Variants in PRKAA2 observed in about 807,000 individuals in gnomAD.
PRKAA2 encodes the protein 5'-AMP-activated protein kinase catalytic subunit alpha-2.
Under a neutral mutation model 56.3 loss-of-function variants are expected in PRKAA2, and 40 were observed. The observed-to-expected ratio is 0.71, with a 90% CI of 0.55 to 0.92. PRKAA2 has a LOEUF of 0.92. Ranked by LOEUF, PRKAA2 falls within the 40% of genes least tolerant of loss-of-function variation. The probability of loss-of-function intolerance (pLI) is 0.00; values close to 1 mark genes in which losing one functional copy is unlikely to be tolerated. For synonymous variants in PRKAA2, 214 were observed against 234.2 expected (o/e 0.91, Z 0.79); for missense variants, 542 against 686.9 (o/e 0.79, Z 2.36).
intron 1 of PRKAA2, among the ~76,000 whole-genome samples, chr1:56,657,260 T>G (rs1326183782): frequency 2.6e-5 from 4 of 152,202 alleles, no homozygotes; most frequent in African/African-American, 4.8e-5. Context: ...CAGTAATAAG[T>G]TGACTCCCCA....
At chr1:56,674,184 T>C (rs1005453602) in intron 1 of PRKAA2, among the ~76,000 whole-genome samples, 197 bp from the exon 2 acceptor site, 1 of 152,120 alleles carries the variant, frequency 6.6e-6, no homozygotes, top group Non-Finnish European at 1.5e-5. Context: ...CAGAGATGAC[T>C]AAGATACAGT....
intron 1 of PRKAA2, among the ~76,000 whole-genome samples, chr1:56,660,836 A>G (rs555716186): frequency 1.2e-4 from 19 of 152,198 alleles, no homozygotes; most frequent in Non-Finnish European, 2.2e-4. Flanking sequence ...TTTAATAAAT[A>G]TGGTACTTAT....
At chr1:56,681,215 T>C (rs577830088) in intron 2 of PRKAA2, among the ~76,000 whole-genome samples, 1 of 152,226 alleles carries the variant, frequency 6.6e-6, no homozygotes, top group Non-Finnish European at 1.5e-5. Flanking sequence ...TTTGATTTTT[T>C]CTTGTACATT....
intron 2 of PRKAA2, among the ~76,000 whole-genome samples, chr1:56,681,170 T>C (rs1471959579): frequency 6.6e-6 from 1 of 152,258 alleles, no homozygotes; most frequent in African/African-American, 2.4e-5. Flanking sequence ...GAGAAATGTC[T>C]GTTCATATCC....
Position 56,674,462 on chromosome 1 carries a change from GA to G in PRKAA2, c.181del (p.Ile61Ter). ...RQKIRSLDVV[G>X]KIKREIQNLK... ...AAGATTCGCAGTTTAGATGTTGTTGGAAAAATAAAACGAGAAATTCAAAATC... is the reference window on the plus strand; with the variant it reads ...AAGATTCGCAGTTTAGATGTTGTTGGAAAATAAAACGAGAAATTCAAAATC... On this transcript the variant is annotated frameshift_variant, in exon 2 of 9. Coordinates refer to ENST00000371244, the MANE Select transcript of PRKAA2 (RefSeq NM_006252.4). LOFTEE classifies it high-confidence loss of function. 6.3e-7 allele frequency: 1 copy of G among 1,575,510 alleles called. No homozygotes were observed. The highest frequency in any genetic ancestry group is 1.2e-5 in the South Asian group (1 of 85,210).
rs1437231136 is a variant in PRKAA2 at position 56,707,531 on chromosome 1, G to T, written c.1477G>T (p.Ala493Ser). 3.1e-6 allele frequency: 5 copies of T among 1,614,048 alleles called. No homozygotes were observed. Among genetic ancestry groups the T allele is most frequent in the Non-Finnish European group, 3.4e-6 (4 of 1,180,038 alleles). Reference sequence around the variant, plus strand: ...AACACCTCAGCGTTCCTGTTCTGCTGCTGGCTTACACAGACCAAGATCAAG... The same window carrying T: ...AACACCTCAGCGTTCCTGTTCTGCTTCTGGCTTACACAGACCAAGATCAAG... ...SSTPQRSCSA[A>S]GLHRPRSSFD... The change falls in exon 9 of 9, where the codon GCT becomes TCT. Residue 493 changes from alanine (A) to serine (S), a missense_variant. Ala to Ser is a moderately conservative substitution (Grantham distance 99). Coordinates refer to ENST00000371244, the MANE Select transcript of PRKAA2 (RefSeq NM_006252.4).
At chr1:56,672,750 A>G (rs993154216) in intron 1 of PRKAA2, among the ~76,000 whole-genome samples, 3 of 152,140 alleles carry the variant, frequency 2.0e-5, no homozygotes, top group African/African-American at 7.2e-5. Context: ...TTGTTAATTA[A>G]TGGGTATTTT....
intron 6 of PRKAA2, among the ~76,000 whole-genome samples, chr1:56,702,055 A>G (rs929049757): frequency 1.3e-5 from 2 of 151,882 alleles, no homozygotes; most frequent in Non-Finnish European, 2.9e-5. Flanking sequence ...GACTATTGCA[A>G]CTAGCATCAC....
chr1:56,645,607 C>A, intron 1 of PRKAA2, 126 bp downstream of exon 1: 2 of 833,138 alleles, frequency 2.4e-6, no homozygotes, highest in Non-Finnish European at 3.2e-6. Flanking sequence ...TCCCGGGTCG[C>A]GCGGAGCTGG....
At chr1:56,661,414 G>C (rs1051916234) in intron 1 of PRKAA2, among the ~76,000 whole-genome samples, 7 of 152,042 alleles carry the variant, frequency 4.6e-5, no homozygotes, top group African/African-American at 1.7e-4. Context: ...AGTTTCACCT[G>C]TTTTTGAACT....
intron 1 of PRKAA2, among the ~76,000 whole-genome samples, chr1:56,656,345 G>A (rs1234444231): frequency 6.6e-6 from 1 of 152,028 alleles, no homozygotes; most frequent in African/African-American, 2.4e-5. Context: ...GGTAACCCCA[G>A]GTTTACCTTC....
At chr1:56,664,394 C>T (rs1002750907) in intron 1 of PRKAA2, among the ~76,000 whole-genome samples, 1 of 151,958 alleles carries the variant, frequency 6.6e-6, no homozygotes, top group Non-Finnish European at 1.5e-5. Context: ...TTTTGATATC[C>T]ATGCATAGTT....
intron 1 of PRKAA2, among the ~76,000 whole-genome samples, chr1:56,646,905 A>G (rs759030858): frequency 7.2e-5 from 11 of 152,350 alleles, no homozygotes; most frequent in Middle Eastern, 3.4e-3. Context: ...CAGCAAGGAA[A>G]AAACAGATCT....
intron 1 of PRKAA2, among the ~76,000 whole-genome samples, chr1:56,670,029 G>A (rs762834165): frequency 1.3e-5 from 2 of 152,148 alleles, no homozygotes; most frequent in African/African-American, 2.4e-5. Flanking sequence ...AGTGTTTTGT[G>A]TATTTTGGCT....
At chr1:56,691,526 T>G in intron 3 of PRKAA2, 39 bp downstream of exon 3, 1 of 1,493,056 alleles carries the variant, frequency 6.7e-7, no homozygotes, top group Non-Finnish European at 9.2e-7. Flanking sequence ...ATCTCTAAAC[T>G]AATAAAAAGG....
At chr1:56,701,081 GT>G (rs1644290452) in intron 6 of PRKAA2, among the ~76,000 whole-genome samples, 1 of 152,082 alleles carries the variant, frequency 6.6e-6, no homozygotes. Flanking sequence ...AATTTCCGGT[GT>G]TCTGAAAAAG....
chr1:56,704,071 T>A lies in PRKAA2; in HGVS notation c.889T>A (p.Cys297Ser). 1 of 1,614,156 alleles carries A rather than the reference T, an allele frequency of 6.2e-7. No homozygotes were observed. The highest frequency in any genetic ancestry group is 8.5e-7 in the Non-Finnish European group (1 of 1,180,018). Reference sequence around the variant, plus strand: ...TGATGATGAGGCTGTGAAAGAAGTGTGTGAAAAATTTGAATGTACAGAATC... The same window carrying A: ...TGATGATGAGGCTGTGAAAGAAGTGAGTGAAAAATTTGAATGTACAGAATC... The part of the protein sequence containing the change: ...VIDDEAVKEV[C>S]EKFECTESEV... Residue 297 changes from cysteine (C) to serine (S), a missense_variant, in exon 7 of 9, where the codon TGT becomes AGT. Transcript: ENST00000371244.
At chr1:56,655,192 GATAAGT>G (rs1434473964) in intron 1 of PRKAA2, among the ~76,000 whole-genome samples, 1 of 144,978 alleles carries the variant, frequency 6.9e-6, no homozygotes, top group Non-Finnish European at 1.5e-5. Context: ...TGGGCAATAT[GATAAGT>G]ATAAGTTATT....
chr1:56,672,121 T>G (rs905753770), intron 1 of PRKAA2, among the ~76,000 whole-genome samples: 1 of 152,154 alleles, frequency 6.6e-6, no homozygotes, highest in South Asian at 2.1e-4. Context: ...TTTGTTTTTG[T>G]TTTTCATTTT....
Sources: allele counts gnomAD v4.1 joint callset (sites outside exome capture counted in the v4.1 genomes callset), GRCh38; gene constraint gnomAD v4.1.1; transcripts MANE v1.5; gene names NCBI Gene and HGNC (gene_info 2026-07-23, HGNC 2026-07-21).